NBEA: variants seen among roughly 807,000 people sequenced by gnomAD.
NBEA encodes the protein lysosomal-trafficking regulator 2.
A neutral mutation model predicts 343.4 loss-of-function variants in NBEA; 44 were observed. The ratio of observed to expected loss-of-function variants is 0.13; its 90% CI spans 0.10 to 0.16. The LOEUF (loss-of-function observed/expected upper bound fraction) is 0.16. Among genes scored for constraint, NBEA ranks in the 10% least tolerant of loss-of-function variants. The pLI, the probability that NBEA is intolerant of heterozygous loss-of-function variation, is 1.00. For missense variants in NBEA, 2,555 were observed against 3,631.3 expected, an observed-to-expected ratio of 0.70 and a Z score of 7.62; for synonymous variants, 1,175 against 1,238.7, an observed-to-expected ratio of 0.95 and a Z score of 1.08.
chr13:35,221,850 T>A (rs1337443217), intron 33 of NBEA, among the ~76,000 whole-genome samples: 1 of 152,114 alleles, frequency 6.6e-6, no homozygotes, highest in African/African-American at 2.4e-5. Context: ...TTTGTTGAAT[T>A]TCAATCATTC....
At chr13:35,083,033 A>G (rs979926688) in intron 10 of NBEA, among the ~76,000 whole-genome samples, 3 of 152,118 alleles carry the variant, frequency 2.0e-5, no homozygotes, top group Admixed American at 6.6e-5. Flanking sequence ...GTTTTCTTCT[A>G]GGGTTTTTAT....
intron 34 of NBEA, among the ~76,000 whole-genome samples, chr13:35,240,897 T>A (rs1355943766): frequency 1.3e-5 from 2 of 151,818 alleles, no homozygotes; most frequent in Non-Finnish European, 3.0e-5. Context: ...GTTTATTAAC[T>A]GATGTTTTCT....
intron 41 of NBEA, among the ~76,000 whole-genome samples, chr13:35,533,195 A>T (rs927190409): frequency 1.3e-5 from 2 of 152,200 alleles, no homozygotes; most frequent in Non-Finnish European, 2.9e-5. Context: ...GATTAAAAAT[A>T]TAGCATTTTC....
intron 36 of NBEA, among the ~76,000 whole-genome samples, chr13:35,341,255 T>A (rs1353219589): frequency 2.0e-5 from 3 of 151,904 alleles, no homozygotes; most frequent in Non-Finnish European, 2.9e-5. Context: ...AAAAAATGAA[T>A]TCAAAATGCA....
At chr13:35,664,985 C>A in intron 55 of NBEA, 100 bp from the exon 56 acceptor site, 2 of 787,414 alleles carry the variant, frequency 2.5e-6, no homozygotes, top group Non-Finnish European at 4.3e-6. Context: ...ATAATAATGC[C>A]CTTAATAAAC....
intron 33 of NBEA, among the ~76,000 whole-genome samples, chr13:35,228,581 A>T (rs948618435): frequency 6.6e-5 from 10 of 152,052 alleles, no homozygotes; most frequent in African/African-American, 2.2e-4. Context: ...CTATCATTCC[A>T]TATTCTATGT....
chr13:35,256,623 G>A (rs968577642), intron 34 of NBEA, among the ~76,000 whole-genome samples: 9 of 152,276 alleles, frequency 5.9e-5, no homozygotes, highest in African/African-American at 9.6e-5. Context: ...GCAGGCTCAC[G>A]CTAAGCCATC....
At chr13:35,349,745 T>G (rs1014105651) in intron 37 of NBEA, among the ~76,000 whole-genome samples, 6 of 152,088 alleles carry the variant, frequency 3.9e-5, no homozygotes, top group African/African-American at 1.2e-4. Flanking sequence ...ACTCACCAAT[T>G]TATTCTCCTG....
intron 31 of NBEA, among the ~76,000 whole-genome samples, chr13:35,200,375 TTG>T (rs1237787447): frequency 6.6e-6 from 1 of 150,664 alleles, no homozygotes; most frequent in African/African-American, 2.4e-5. Context: ...TTTTGAGTGT[TTG>T]GTATATATAT....
intron 18 of NBEA, among the ~76,000 whole-genome samples, chr13:35,149,067 T>C (rs2068611391): frequency 6.6e-6 from 1 of 152,242 alleles, no homozygotes; most frequent in Non-Finnish European, 1.5e-5. Context: ...GTTTGTTTGT[T>C]TGTTTCTGAG....
chr13:35,079,860 T>C (rs921174515), intron 10 of NBEA, among the ~76,000 whole-genome samples: 1 of 152,146 alleles, frequency 6.6e-6, no homozygotes, highest in Non-Finnish European at 1.5e-5. Flanking sequence ...GTGGGCCCTT[T>C]TGCAACTATT....
chr13:35,105,292 T>C (rs2152650370), intron 11 of NBEA, among the ~76,000 whole-genome samples: 1 of 151,962 alleles, frequency 6.6e-6, no homozygotes, highest in Middle Eastern at 3.4e-3. Flanking sequence ...CAAGGGAGCA[T>C]CCCAAGCATA....
At position 35,124,272 on chromosome 13, in the gene NBEA, GCTTA is replaced by G. The variant is rs1026926718; in HGVS notation, c.2336+703_2336+706del. On this transcript the variant is annotated intron_variant, in intron 17 of 58. Transcript: ENST00000379939. ...GCCCTTGTTTTTTTTTTTTTTTGGT[GCTTA>G]CTTAAATTTGCAAAGCGCTTATTTG... 2.8e-4 allele frequency among the ~76,000 whole-genome samples: 41 copies of G among 145,528 alleles called. No homozygotes were observed. The East Asian group carries it at 6.1e-3, about 22-fold the overall frequency.
At chr13:35,015,380 T>C (rs2061622631) in intron 1 of NBEA, among the ~76,000 whole-genome samples, 1 of 152,034 alleles carries the variant, frequency 6.6e-6, no homozygotes, top group African/African-American at 2.4e-5. Context: ...GGCAGTGGTA[T>C]TGAGTGGTGA....
intron 1 of NBEA, among the ~76,000 whole-genome samples, chr13:34,961,970 T>C (rs1436076274): frequency 6.6e-6 from 1 of 152,084 alleles, no homozygotes; most frequent in Non-Finnish European, 1.5e-5. Flanking sequence ...GTAAAATATC[T>C]CAATAATTTC....
intron 49 of NBEA, among the ~76,000 whole-genome samples, chr13:35,631,452 T>A (rs1226634615): frequency 6.6e-6 from 1 of 152,082 alleles, no homozygotes; most frequent in African/African-American, 2.4e-5. Context: ...TTTTATTTGA[T>A]AATGTTTATC....
chr13:35,489,793 T>G (rs1340374477), intron 41 of NBEA, among the ~76,000 whole-genome samples: 1 of 151,936 alleles, frequency 6.6e-6, no homozygotes, highest in Non-Finnish European at 1.5e-5. Flanking sequence ...TTAAAAAATG[T>G]ACCACTGGGA....
At chr13:35,080,609 A>G (rs989010859) in intron 10 of NBEA, among the ~76,000 whole-genome samples, 1 of 152,100 alleles carries the variant, frequency 6.6e-6, no homozygotes, top group African/African-American at 2.4e-5. Flanking sequence ...GGTAAAGCTG[A>G]CTCATAGCAG....
At chr13:35,462,629 T>A (rs920717913) in intron 40 of NBEA, among the ~76,000 whole-genome samples, 3 of 152,054 alleles carry the variant, frequency 2.0e-5, no homozygotes, top group African/African-American at 4.8e-5. Flanking sequence ...TGAATTTTTT[T>A]AAAAAAATCA....
Sources: allele counts gnomAD v4.1 joint callset (sites outside exome capture counted in the v4.1 genomes callset), GRCh38; gene constraint gnomAD v4.1.1; transcripts MANE v1.5; gene names NCBI Gene and HGNC (gene_info 2026-07-23, HGNC 2026-07-21).